TXLNB: variants seen among roughly 807,000 people sequenced by gnomAD.
TXLNB encodes taxilin beta, also known as beta-taxilin.
In TXLNB, 37 loss-of-function variants were observed where a neutral mutation model predicts 57.4. That is an observed-to-expected ratio of 0.64 (90% confidence interval 0.50 to 0.85). The LOEUF is 0.85. Among genes scored for constraint, TXLNB ranks in the 40% least tolerant of loss-of-function variants. TXLNB has a pLI of 0.00. For missense variants in TXLNB, 848 were observed against 825.6 expected, an observed-to-expected ratio of 1.03 and a Z score of -0.33; for synonymous variants, 302 against 309.6, an observed-to-expected ratio of 0.98 and a Z score of 0.26.
At chr6:139,183,669 G>T in the TXLNB span, 3 of 152,156 alleles carry the variant, frequency 2.0e-5, no homozygotes, top group Non-Finnish European at 4.4e-5. Flanking sequence ...GAAAAAAATA[G>T]CAACCTTTTA....
At chr6:139,321,614 C>T in the TXLNB span, among the ~76,000 whole-genome samples, 1 of 132,208 alleles carries the variant, frequency 7.6e-6, no homozygotes, top group African/African-American at 2.9e-5. Flanking sequence ...ATTTATGTCT[C>T]TAGCCCAGAC....
intron 2 of TXLNB, among the ~76,000 whole-genome samples, chr6:139,287,768 C>T (rs1777209430): frequency 6.6e-6 from 1 of 152,150 alleles, no homozygotes; most frequent in Admixed American, 6.5e-5. Context: ...CGTTCTCACC[C>T]TTTTTTCCCA....
chr6:139,245,495 C>T (rs1562271502), intron 8 of TXLNB: 4 of 152,102 alleles, frequency 2.6e-5, no homozygotes, highest in Admixed American at 1.3e-4. Flanking sequence ...AAGTGGAGAA[C>T]GAGGCATGTA....
the TXLNB span, among the ~76,000 whole-genome samples, chr6:139,190,305 C>CT: frequency 0.45 from 46,972 of 105,298 alleles, 10,850 homozygotes; most frequent in Non-Finnish European, 0.52. Context: ...TTCTTTCTTT[C>CT]TTTCTTTTTT....
At chr6:139,280,992 G>T (rs1373965782) in intron 2 of TXLNB, among the ~76,000 whole-genome samples, 2 of 152,162 alleles carry the variant, frequency 1.3e-5, no homozygotes, top group East Asian at 3.8e-4. Flanking sequence ...CTGGATTAAG[G>T]ATAGGAGACC....
the TXLNB span, among the ~76,000 whole-genome samples, chr6:139,215,280 A>G: frequency 2.6e-5 from 4 of 152,190 alleles, no homozygotes; most frequent in Non-Finnish European, 4.4e-5. Context: ...AAACAGAGAT[A>G]CAGACCAATG....
At chr6:139,222,226 A>T in the TXLNB span, among the ~76,000 whole-genome samples, 1 of 152,184 alleles carries the variant, frequency 6.6e-6, no homozygotes, top group African/African-American at 2.4e-5. Context: ...TGCAAATTCA[A>T]ATAATTTGGG....
intron 5 of TXLNB, among the ~76,000 whole-genome samples, chr6:139,262,338 A>G (rs1776503806): frequency 6.6e-6 from 1 of 152,216 alleles, no homozygotes; most frequent in Admixed American, 6.5e-5. Flanking sequence ...CCCACAGCCT[A>G]TCACTTTCTA....
downstream of TXLNB, among the ~76,000 whole-genome samples, chr6:139,237,720 G>A (rs1775852201): frequency 6.6e-6 from 1 of 152,008 alleles, no homozygotes; most frequent in Non-Finnish European, 1.5e-5. Flanking sequence ...CTGACTGTCA[G>A]TTCTGAAATA....
chr6:139,308,233 C>T, the TXLNB span, among the ~76,000 whole-genome samples: 2 of 152,134 alleles, frequency 1.3e-5, no homozygotes, highest in South Asian at 4.1e-4. Context: ...CTACCATGGG[C>T]ATGTATGGTT....
downstream of TXLNB, chr6:139,237,507 TAAAAAAAAAA>T (rs58158274): frequency 2.6e-5 from 2 of 77,598 alleles, no homozygotes; most frequent in East Asian, 3.3e-4. Context: ...AGACTCCATC[TAAAAAAAAAA>T]AAAAAAAAAG....
the TXLNB span, among the ~76,000 whole-genome samples, chr6:139,315,848 C>T: frequency 1.3e-5 from 2 of 152,118 alleles, no homozygotes; most frequent in South Asian, 4.1e-4. Flanking sequence ...GAAATAAAGC[C>T]ATTTAATCAA....
At chr6:139,196,820 A>C in the TXLNB span, among the ~76,000 whole-genome samples, 3 of 152,200 alleles carry the variant, frequency 2.0e-5, no homozygotes, top group Non-Finnish European at 4.4e-5. Flanking sequence ...GTTCTATACT[A>C]TCTTTGGTTA....
At chr6:139,270,916 T>C (rs1473357390) in intron 3 of TXLNB, among the ~76,000 whole-genome samples, 1 of 152,202 alleles carries the variant, frequency 6.6e-6, no homozygotes, top group East Asian at 1.9e-4. Context: ...CTAACCAATA[T>C]TGAATAGCCA....
chr6:139,185,655 C>T, the TXLNB span, among the ~76,000 whole-genome samples: 3 of 152,084 alleles, frequency 2.0e-5, no homozygotes, highest in Admixed American at 6.5e-5. Context: ...GAGCCGAGAT[C>T]GCACCACTGC....
chr6:139,270,332 G>T, intron 4 of TXLNB, 124 bp downstream of exon 4: 2 of 877,808 alleles, frequency 2.3e-6, no homozygotes, highest in Non-Finnish European at 3.5e-6. Context: ...CAAGCAAGGG[G>T]CAGAGGCAGT....
chr6:139,301,387 A>G, the TXLNB span, among the ~76,000 whole-genome samples: 3 of 152,218 alleles, frequency 2.0e-5, no homozygotes, highest in Admixed American at 2.0e-4. Context: ...TATTATTAAA[A>G]GTAATAATAC....
At chr6:139,221,567 A>T in the TXLNB span, among the ~76,000 whole-genome samples, 1,784 of 152,278 alleles carry the variant, frequency 0.012, 29 homozygotes, top group African/African-American at 0.04. Context: ...ACCAAGGTAA[A>T]AAACACTTAA....
the TXLNB span, chr6:139,179,467 A>G: frequency 2.0e-5 from 3 of 152,264 alleles, no homozygotes; most frequent in African/African-American, 4.8e-5. Flanking sequence ...AATAAATAGG[A>G]TGAGGTTTTA....
Sources: gnomAD v4.1 joint callset for allele counts (sites outside exome capture counted in the v4.1 genomes callset) on GRCh38, gnomAD v4.1.1 for gene constraint, MANE v1.5 for transcripts, NCBI Gene and HGNC (gene_info 2026-07-23, HGNC 2026-07-21) for gene names.